TMEM175: variants seen among roughly 807,000 people sequenced by gnomAD.
TMEM175 encodes endosomal/lysosomal proton channel TMEM175.
Under a neutral mutation model 36.5 loss-of-function variants are expected in TMEM175, and 36 were observed. The ratio of observed to expected loss-of-function variants is 0.99; its 90% CI spans 0.76 to 1.30. The LOEUF is 1.30. Ranked by LOEUF, TMEM175 falls within the 50% of genes most tolerant of loss-of-function variation. The pLI is 0.00. For missense variants in TMEM175, 705 were observed against 692.8 expected, an observed-to-expected ratio of 1.02 and a Z score of -0.20; for synonymous variants, 339 against 313.4, an observed-to-expected ratio of 1.08 and a Z score of -0.86.
At chr4:935,800 A>G (rs1726718602) in intron 1 of TMEM175, among the ~76,000 whole-genome samples, 1 of 152,246 alleles carries the variant, frequency 6.6e-6, no homozygotes, top group Non-Finnish European at 1.5e-5. Flanking sequence ...ATGATATTGA[A>G]TATTAAAGTA....
chr4:955,980 C>T (rs1394466176), intron 10 of TMEM175, 90 bp downstream of exon 10: 13 of 1,497,730 alleles, frequency 8.7e-6, no homozygotes, highest in Non-Finnish European at 1.2e-5. Context: ...CAGAAAGGCA[C>T]AGGGGTCTTG....
intron 4 of TMEM175, among the ~76,000 whole-genome samples, chr4:950,733 G>T (rs548804127): frequency 1.3e-5 from 2 of 149,256 alleles, no homozygotes; most frequent in Non-Finnish European, 3.0e-5. Context: ...GTAGGTGGAG[G>T]TGTGGATGGT....
rs761009438 is a variant in TMEM175, at chr4:955,904, G to A, written c.842+14G>A. 62 of 1,609,160 alleles carry A rather than the reference G, an allele frequency of 3.9e-5. No homozygotes were observed. The highest frequency in any genetic ancestry group is 2.5e-4 in the Admixed American group (15 of 59,868). ...CCTGGACATCTGGTGAGGACCCCGC[G>A]TCACCTGCCCCAGCTATCAGGTGGC... On this transcript the variant is annotated intron_variant, in intron 10 of 10. Transcript: ENST00000264771.
intron 1 of TMEM175, among the ~76,000 whole-genome samples, chr4:937,434 G>A (rs1287720370): frequency 1.3e-5 from 2 of 152,132 alleles, no homozygotes; most frequent in African/African-American, 2.4e-5. Flanking sequence ...ATGGTGGTAG[G>A]TGCCTGTAAT....
intron 8 of TMEM175, 90 bp from the exon 9 acceptor site, chr4:955,315 A>C: frequency 1.0e-6 from 1 of 986,186 alleles, no homozygotes; most frequent in Admixed American, 1.8e-5. Flanking sequence ...CTTCTGCCGC[A>C]GCCCCTGCTT....
At chr4:956,775 T>C in intron 10 of TMEM175, 2 of 319,854 alleles carry the variant, frequency 6.3e-6, no homozygotes, top group South Asian at 5.0e-5. Context: ...TTTTTACATC[T>C]TCCATCCTTT....
chr4:940,162 C>A (rs1727262779), intron 1 of TMEM175, among the ~76,000 whole-genome samples: 1 of 151,968 alleles, frequency 6.6e-6, no homozygotes, highest in Non-Finnish European at 1.5e-5. Context: ...GTAAAAAGAG[C>A]AGTAGGCCAG....
chr4:949,727 G>C (rs867489193), intron 3 of TMEM175, among the ~76,000 whole-genome samples: 2 of 151,978 alleles, frequency 1.3e-5, no homozygotes, highest in African/African-American at 4.8e-5. Context: ...GAGGGCGAGG[G>C]CCCCGGTGCC....
In TMEM175 at chr4:955,397, C is replaced by A; in HGVS notation, c.628-8C>A. 1 of 1,613,650 alleles carries A rather than the reference C, an allele frequency of 6.2e-7. No homozygotes were observed. Among genetic ancestry groups the A allele is most frequent in the Non-Finnish European group, 8.5e-7 (1 of 1,179,584 alleles). On this transcript the variant is annotated splice_region_variant and splice_polypyrimidine_tract_variant and intron_variant, in intron 8 of 10. Transcript: ENST00000264771. Reference sequence around the variant, plus strand: ...GAGGGCACTGACCTGCGGTTTGTCTCCCTGCAGTCTTACCTGCTGATGGTG... The same window carrying A: ...GAGGGCACTGACCTGCGGTTTGTCTACCTGCAGTCTTACCTGCTGATGGTG...
intron 6 of TMEM175, among the ~76,000 whole-genome samples, chr4:952,144 T>A (rs1335554102): frequency 1.3e-5 from 2 of 152,186 alleles, no homozygotes; most frequent in Non-Finnish European, 2.9e-5. Context: ...ATGAATCGGA[T>A]GACATTTTGG....
Position 951,705 on chromosome 4 carries a change from C to T in TMEM175, c.366C>T (p.Phe122=), listed in dbSNP as rs1180623209. ...AGGCCTGCATGATGACCATCACCTT[C>T]CTGCCTTACACGGTGAGCAACACCA... is the stretch of plus-strand genomic sequence containing the variant. ...LNLACMMTIT[F]LPYTFSLMVT... is the part of the protein sequence containing the mutation. The change falls in exon 6 of 11, where the codon TTC becomes TTT. Residue 122 remains phenylalanine, a synonymous_variant. Transcript: ENST00000264771. 6.2e-7 allele frequency: 1 copy of T among 1,614,040 alleles called. No homozygotes were observed. Among genetic ancestry groups the T allele is most frequent in the Non-Finnish European group, 8.5e-7 (1 of 1,180,012 alleles).
At chr4:956,443 G>C (rs57852272) in intron 10 of TMEM175, 10 of 1,211,040 alleles carry the variant, frequency 8.3e-6, no homozygotes, top group Middle Eastern at 2.6e-4. Flanking sequence ...TTTTTGTGGG[G>C]TTTTTTTTTT....
chr4:945,781 C>T (rs1728068443), intron 1 of TMEM175, among the ~76,000 whole-genome samples: 2 of 152,112 alleles, frequency 1.3e-5, no homozygotes, highest in African/African-American at 4.8e-5. Context: ...CTGAAGGGCT[C>T]TCCCCATACC....
intron 1 of TMEM175, among the ~76,000 whole-genome samples, chr4:941,439 CTT>C (rs1228124580): frequency 7.6e-6 from 1 of 131,626 alleles, no homozygotes. Flanking sequence ...CTCTATTTTT[CTT>C]TTTTTTTTTT....
At chr4:950,558 C>A in intron 4 of TMEM175, 40 bp downstream of exon 4, 1 of 1,499,558 alleles carries the variant, frequency 6.7e-7, no homozygotes, top group South Asian at 1.1e-5. Flanking sequence ...TAGCTGCTCT[C>A]AAGGTTCCCG....
chr4:942,781 A>G (rs1727683774), intron 1 of TMEM175, among the ~76,000 whole-genome samples: 1 of 152,048 alleles, frequency 6.6e-6, no homozygotes, highest in African/African-American at 2.4e-5. Flanking sequence ...CTGGGACTAC[A>G]GGCGCACACC....
chr4:941,353 G>A (rs1005701273), intron 1 of TMEM175, among the ~76,000 whole-genome samples: 8 of 142,128 alleles, frequency 5.6e-5, no homozygotes, highest in African/African-American at 1.3e-4. Context: ...TCCAGCCTGG[G>A]TAGCAAGAGC....
At position 955,530 on chromosome 4, in the gene TMEM175, C is replaced by T. The variant is rs762799573; in HGVS notation, c.706+47C>T. ...TGGCCTGAGAGGCCTGTAGTCCGCCCACCTCCGTGCGGCTGCTCCGCACTG... is the reference window on the plus strand; with the variant it reads ...TGGCCTGAGAGGCCTGTAGTCCGCCTACCTCCGTGCGGCTGCTCCGCACTG... On this transcript the variant is annotated intron_variant, in intron 9 of 10. Coordinates refer to ENST00000264771, the MANE Select transcript of TMEM175 (RefSeq NM_032326.4). 1.5e-5 allele frequency: 24 copies of T among 1,573,130 alleles called. No homozygotes were observed. The Middle Eastern group carries it at 1.0e-3, about 66-fold the overall frequency.
At chr4:953,986 ATTTTCTTT>A (rs554973289) in intron 8 of TMEM175, among the ~76,000 whole-genome samples, 20 of 149,642 alleles carry the variant, frequency 1.3e-4, no homozygotes, top group African/African-American at 2.0e-4. Context: ...GCCAGCCTTT[ATTTTCTTT>A]TTTTCTTTTT....
Sources: allele counts gnomAD v4.1 joint callset (sites outside exome capture counted in the v4.1 genomes callset), GRCh38; gene constraint gnomAD v4.1.1; transcripts MANE v1.5; gene names NCBI Gene and HGNC (gene_info 2026-07-23, HGNC 2026-07-21).